SNX29: variants seen among roughly 807,000 people sequenced by gnomAD.
SNX29 encodes the protein sorting nexin 29, also known as sorting nexin-29.
In SNX29, 78 loss-of-function variants were observed where a neutral mutation model predicts 102.1. That is an observed-to-expected ratio of 0.76 (90% CI 0.64 to 0.92). The LOEUF (loss-of-function observed/expected upper bound fraction) is 0.92. SNX29 is among the 40% of genes least tolerant of loss of function. The pLI, the probability that SNX29 is intolerant of heterozygous loss-of-function variation, is 0.00. For missense variants in SNX29, 1,280 were observed against 1,061.7 expected, an observed-to-expected ratio of 1.21 and a Z score of -2.86; for synonymous variants, 580 against 414.5, an observed-to-expected ratio of 1.40 and a Z score of -4.85.
chr16:12,190,031 A>G (rs2076603801), intron 13 of SNX29, among the ~76,000 whole-genome samples: 2 of 152,172 alleles, frequency 1.3e-5, no homozygotes, highest in Admixed American at 1.3e-4. Context: ...ATATTCAGTT[A>G]TTGATCCATC....
rs185329437 is a variant in SNX29 at position 12,043,138 on chromosome 16, G to C, written c.428+61G>C. The stretch of plus-strand genomic sequence containing the variant: ...GCAAGAGGTGAAGATCTTGGAGTCT[G>C]GAATCAGACCACCTGGATTTTCATC... On this transcript the variant is annotated intron_variant, in intron 5 of 20. Transcript: ENST00000566228. 8 of 1,584,750 alleles carry C rather than the reference G, an allele frequency of 5.0e-6. No homozygotes were observed. The African/African-American group carries it at 1.1e-4, about 21-fold the overall frequency.
intron 15 of SNX29, among the ~76,000 whole-genome samples, chr16:12,299,864 A>T (rs1286601985): frequency 3.3e-5 from 5 of 151,032 alleles, no homozygotes. Context: ...AATGGCATAA[A>T]TAAAATTTCT....
intron 18 of SNX29, among the ~76,000 whole-genome samples, chr16:12,455,927 C>A (rs574459013): frequency 3.9e-5 from 6 of 152,280 alleles, no homozygotes; most frequent in African/African-American, 1.4e-4. Context: ...TTGGGCATCT[C>A]CAGGAACTGA....
intron 14 of SNX29, among the ~76,000 whole-genome samples, chr16:12,270,652 T>TTATTTA (rs1446813524): frequency 3.3e-5 from 5 of 152,084 alleles, no homozygotes; most frequent in Admixed American, 2.0e-4. Flanking sequence ...CATTTACCTC[T>TTATTTA]TATTTATATT....
At chr16:12,242,932 G>T (rs1309155975) in intron 14 of SNX29, among the ~76,000 whole-genome samples, 2 of 152,072 alleles carry the variant, frequency 1.3e-5, no homozygotes, top group East Asian at 1.9e-4. Flanking sequence ...GCAGGTGTGG[G>T]CCACCATACC....
intron 11 of SNX29, among the ~76,000 whole-genome samples, chr16:12,097,987 G>A (rs2052842101): frequency 6.6e-6 from 1 of 152,244 alleles, no homozygotes; most frequent in African/African-American, 2.4e-5. Flanking sequence ...CCAGGCTCCT[G>A]CAGTCCCACA....
chr16:12,285,379 G>C (rs773826553), intron 15 of SNX29, among the ~76,000 whole-genome samples: 2 of 152,168 alleles, frequency 1.3e-5, no homozygotes, highest in Non-Finnish European at 2.9e-5. Flanking sequence ...TCAGCTAGCT[G>C]ATGATTGATT....
intron 13 of SNX29, among the ~76,000 whole-genome samples, chr16:12,167,996 G>T (rs2076056344): frequency 6.6e-6 from 1 of 152,208 alleles, no homozygotes; most frequent in Non-Finnish European, 1.5e-5. Flanking sequence ...CAAGCTCTCA[G>T]CCAGCACGCT....
At chr16:12,246,204 C>A (rs1326855514) in intron 14 of SNX29, among the ~76,000 whole-genome samples, 3 of 152,076 alleles carry the variant, frequency 2.0e-5, no homozygotes, top group Non-Finnish European at 4.4e-5. Flanking sequence ...GAAATAAGGT[C>A]TCAGGAAGCA....
At chr16:12,244,684 T>G (rs2078210653) in intron 14 of SNX29, among the ~76,000 whole-genome samples, 1 of 152,176 alleles carries the variant, frequency 6.6e-6, no homozygotes, top group Non-Finnish European at 1.5e-5. Flanking sequence ...CAAAATTATC[T>G]TTTCAGTACT....
At chr16:12,338,258 T>C (rs926555636) in intron 15 of SNX29, among the ~76,000 whole-genome samples, 1 of 152,160 alleles carries the variant, frequency 6.6e-6, no homozygotes, top group Admixed American at 6.5e-5. Context: ...TAGACTTTCT[T>C]AAGCAGTGTG....
intron 17 of SNX29, among the ~76,000 whole-genome samples, chr16:12,403,192 TTGTGTGTGTATGTGTGTG>T (rs1390264421): frequency 0.028 from 3,693 of 129,668 alleles, 81 homozygotes; most frequent in East Asian, 0.072. Context: ...GGAGTACAGA[TTGTGTGTGTATGTGTGTG>T]TGTGTGTGTG....
chr16:12,031,008 A>G (rs562715076), intron 4 of SNX29, among the ~76,000 whole-genome samples: 2 of 152,182 alleles, frequency 1.3e-5, no homozygotes, highest in South Asian at 4.2e-4. Flanking sequence ...TGTGTGGGGC[A>G]GGGCCTTCAG....
intron 3 of SNX29, 71 bp downstream of exon 3, chr16:12,003,114 A>G (rs2056346360): frequency 6.3e-7 from 1 of 1,588,862 alleles, no homozygotes; most frequent in South Asian, 1.1e-5. Context: ...CGGCTTCTAA[A>G]ACCGTTGACC....
chr16:12,569,904 G>A lies in SNX29; in HGVS notation c.*1275G>A. 4.3e-6 allele frequency: 1 copy of A among 231,994 alleles called. No individual in the cohort carries two copies. Among genetic ancestry groups the A allele is most frequent in the Non-Finnish European group, 8.5e-6 (1 of 117,236 alleles). 14.4% of individuals were successfully genotyped at this position (231,994 alleles called of 1,614,324 possible). On this transcript the variant is annotated 3_prime_UTR_variant, in exon 21 of 21. Coordinates refer to ENST00000566228, the MANE Select transcript of SNX29 (RefSeq NM_032167.5). ...TTTGTGTGTTTCGCCTTAATCTGAGGCAGAGACACAGCAGAACCTGAGGAG... is the reference window on the plus strand; with the variant it reads ...TTTGTGTGTTTCGCCTTAATCTGAGACAGAGACACAGCAGAACCTGAGGAG...
chr16:12,067,331 G>A (rs2051083344), intron 9 of SNX29, among the ~76,000 whole-genome samples: 1 of 152,010 alleles, frequency 6.6e-6, no homozygotes, highest in South Asian at 2.1e-4. Flanking sequence ...CTACAGAGCT[G>A]GGGGTTCTTG....
intron 14 of SNX29, among the ~76,000 whole-genome samples, chr16:12,238,232 G>A (rs927478224): frequency 6.6e-6 from 1 of 151,260 alleles, no homozygotes; most frequent in African/African-American, 2.4e-5. Flanking sequence ...AACCTTATTT[G>A]TGAAAGGGAG....
chr16:12,541,820 G>GCCTCTTCC (rs1247532901), intron 20 of SNX29, among the ~76,000 whole-genome samples: 4 of 152,068 alleles, frequency 2.6e-5, no homozygotes, highest in Non-Finnish European at 5.9e-5. Context: ...AACCAAGCTC[G>GCCTCTTCC]CCTCTTCCCC....
intron 20 of SNX29, among the ~76,000 whole-genome samples, chr16:12,528,758 C>T (rs115285485): frequency 6.6e-6 from 1 of 152,212 alleles, no homozygotes; most frequent in African/African-American, 2.4e-5. Context: ...CTGTGGACAT[C>T]CACGTTACTC....
Sources: gnomAD v4.1 joint callset for allele counts (sites outside exome capture counted in the v4.1 genomes callset) on GRCh38, gnomAD v4.1.1 for gene constraint, MANE v1.5 for transcripts, NCBI Gene and HGNC (gene_info 2026-07-23, HGNC 2026-07-21) for gene names.